SLC9C2: variants seen among roughly 807,000 people sequenced by gnomAD.
SLC9C2 encodes sodium/hydrogen exchanger 11.
Under a neutral mutation model 140.2 loss-of-function variants are expected in SLC9C2, and 75 were observed. The observed-to-expected ratio is 0.53, with a 90% CI of 0.44 to 0.65. The LOEUF is 0.65. SLC9C2 is among the 30% of genes least tolerant of loss of function. The pLI, the probability that SLC9C2 is intolerant of heterozygous loss-of-function variation, is 0.00. For missense variants in SLC9C2, 1,074 were observed against 1,331.8 expected, an observed-to-expected ratio of 0.81 and a Z score of 3.01; for synonymous variants, 375 against 420.9, an observed-to-expected ratio of 0.89 and a Z score of 1.34.
intron 11 of SLC9C2, among the ~76,000 whole-genome samples, chr1:173,553,081 A>G (rs78999088): frequency 6.6e-6 from 1 of 152,216 alleles, no homozygotes; most frequent in Non-Finnish European, 1.5e-5. Context: ...TCAAGACTTC[A>G]GTGGAGGAAG....
chr1:173,556,481 CT>C (rs1197274696), intron 10 of SLC9C2, among the ~76,000 whole-genome samples: 2 of 152,122 alleles, frequency 1.3e-5, no homozygotes, highest in Non-Finnish European at 2.9e-5. Context: ...CTAACTAGAT[CT>C]TTAATGTAAA....
At chr1:173,554,581 G>C in intron 11 of SLC9C2, 152 bp downstream of exon 11, 1 of 615,972 alleles carries the variant, frequency 1.6e-6, no homozygotes, top group Non-Finnish European at 2.9e-6. Context: ...AATATCCCAA[G>C]TAATACAGCA....
Position 173,601,845 on chromosome 1 carries a change from T to G in SLC9C2, c.-69A>C, listed in dbSNP as rs776189139. The G allele has an allele frequency of 5.5e-5, 87 of 1,589,314 alleles. No individual in the cohort carries two copies. Among genetic ancestry groups the G allele is most frequent in the Non-Finnish European group, 7.3e-5 (85 of 1,165,690 alleles). On this transcript the variant is annotated 5_prime_UTR_variant, in exon 2 of 28. Transcript: ENST00000367714. ...TGGTTATTATTGACACTTTCACTTCTGCATGCTAACCTGTATAGCATGCAA... is the reference window on the plus strand; with the variant it reads ...TGGTTATTATTGACACTTTCACTTCGGCATGCTAACCTGTATAGCATGCAA...
rs568470337 is a variant in SLC9C2, at chr1:173,579,672, C to T, written c.802+2175G>A. Among the ~76,000 whole-genome samples, 3 of 152,318 alleles carry T rather than the reference C, an allele frequency of 2.0e-5. No homozygotes were observed. In the South Asian group the frequency reaches 6.2e-4, roughly 32 times the overall value. ...TGCCGTTTAGTTAGCACAAAATAAT[C>T]AGACTTCATAATGCTCAAATATATT... On this transcript the variant is annotated intron_variant, in intron 7 of 27. Coordinates refer to ENST00000367714, the MANE Select transcript of SLC9C2 (RefSeq NM_178527.4).
rs1249514961 is a variant in SLC9C2 at position 173,599,086 on chromosome 1, AACT to A, written c.228+1028_228+1030del. Among the ~76,000 whole-genome samples the A allele has an allele frequency of 3.3e-5, 5 of 152,268 alleles. No homozygotes were observed. In the East Asian group the frequency reaches 7.7e-4, roughly 23 times the overall value. Reference sequence around the variant, plus strand: ...AGTGACCATGCCTCATGATGAACACAACTGCTGCCTTTTATAAGCAGGTCTTTT... The same window carrying A: ...AGTGACCATGCCTCATGATGAACACAGCTGCCTTTTATAAGCAGGTCTTTT... On this transcript the variant is annotated intron_variant, in intron 3 of 27. Coordinates refer to ENST00000367714, the MANE Select transcript of SLC9C2 (RefSeq NM_178527.4).
chr1:173,589,036 C>T (rs546702806), intron 4 of SLC9C2, among the ~76,000 whole-genome samples: 7 of 152,164 alleles, frequency 4.6e-5, no homozygotes, highest in Non-Finnish European at 1.0e-4. Flanking sequence ...CATGATATTA[C>T]CACTGCACTC....
rs780556489 is a variant in SLC9C2 at position 173,533,671 on chromosome 1, G to A, written c.2101C>T (p.Leu701Phe). 5 of 1,611,648 alleles carry A rather than the reference G, an allele frequency of 3.1e-6. No individual in the cohort carries two copies. The Admixed American group carries it at 5.0e-5, about 16-fold the overall frequency. ...CCCATTATTACTGTAAGCTGTATAAGAGCCAAGTTGTCTGGTCTCAATTTC... is the reference window on the plus strand; with the variant it reads ...CCCATTATTACTGTAAGCTGTATAAAAGCCAAGTTGTCTGGTCTCAATTTC... ...FVKLRPDNLA[L>F]IQLTVIMGYL... Residue 701 changes from leucine to phenylalanine, a missense_variant, in exon 17 of 28, where the codon CTT becomes TTT. Coordinates refer to ENST00000367714, the MANE Select transcript of SLC9C2 (RefSeq NM_178527.4).
chr1:173,559,965 G>A (rs1452839612), intron 9 of SLC9C2, among the ~76,000 whole-genome samples: 1 of 152,020 alleles, frequency 6.6e-6, no homozygotes, highest in African/African-American at 2.4e-5. Context: ...CTTCACCATG[G>A]CATAAAATAA....
intron 13 of SLC9C2, among the ~76,000 whole-genome samples, chr1:173,543,242 C>T (rs928026638): frequency 3.3e-5 from 5 of 152,118 alleles, no homozygotes; most frequent in Admixed American, 2.6e-4. Flanking sequence ...CATGAGTGAA[C>T]TCCCATTCAC....
chr1:173,573,253 T>C lies in SLC9C2; in HGVS notation c.975A>G (p.Gly325=). The C allele has an allele frequency of 6.3e-7, 1 of 1,585,172 alleles. No individual in the cohort carries two copies. The highest frequency in any genetic ancestry group is 8.7e-7 in the Non-Finnish European group (1 of 1,154,980). Residue 325 remains glycine, a synonymous_variant, in exon 9 of 28, where the codon GGA becomes GGG. Transcript: ENST00000367714. ...YAFFGIVIGC[G]ELSHYEFHTI... is the part of the protein sequence containing the mutation. ...TGTGAAATTCATAGTGGCTGAGTTC[T>C]CCACATCCAATCACAATGCCAAAGA...
chr1:173,535,725 T>C, intron 15 of SLC9C2, 105 bp downstream of exon 15: 1 of 1,302,994 alleles, frequency 7.7e-7, no homozygotes, highest in Non-Finnish European at 1.0e-6. Flanking sequence ...AAATAAACCA[T>C]AATATAGTTT....
In SLC9C2 at chr1:173,575,846, G is replaced by A. The variant is rs560320773; in HGVS notation, c.902+815C>T. On this transcript the variant is annotated intron_variant, in intron 8 of 27. Coordinates refer to ENST00000367714, the MANE Select transcript of SLC9C2 (RefSeq NM_178527.4). ...GCCTGCCTCGGCCTCCCAAAGTGCTGGGATTACAGGCGTGAGCCACCGTGC... is the reference window on the plus strand; with the variant it reads ...GCCTGCCTCGGCCTCCCAAAGTGCTAGGATTACAGGCGTGAGCCACCGTGC... 2.8e-4 allele frequency among the ~76,000 whole-genome samples: 42 copies of A among 152,244 alleles called. 1 individual carries two copies. The South Asian group carries it at 8.7e-3, about 32-fold the overall frequency.
intron 13 of SLC9C2, among the ~76,000 whole-genome samples, chr1:173,542,783 G>T (rs1662531543): frequency 6.6e-6 from 1 of 152,138 alleles, no homozygotes; most frequent in South Asian, 2.1e-4. Flanking sequence ...AATAGATGCA[G>T]GAAAGGCCTT....
chr1:173,536,775 G>A (rs906347538), intron 14 of SLC9C2, among the ~76,000 whole-genome samples, 167 bp downstream of exon 14: 1 of 152,086 alleles, frequency 6.6e-6, no homozygotes, highest in Non-Finnish European at 1.5e-5. Context: ...AAAAGCAGAT[G>A]GATAGATGGA....
chr1:173,566,859 T>C (rs1481165422), intron 9 of SLC9C2, among the ~76,000 whole-genome samples: 1 of 151,324 alleles, frequency 6.6e-6, no homozygotes, highest in East Asian at 2.0e-4. Context: ...CTGCATCCCA[T>C]AAGTTTTGGT....
Position 173,565,999 on chromosome 1 carries a change from A to C in SLC9C2, c.1046+7183T>G, listed in dbSNP as rs140598746. Among the ~76,000 whole-genome samples, 253 of 152,222 alleles carry C rather than the reference A, an allele frequency of 1.7e-3. 2 individuals carry two copies. The highest frequency in any genetic ancestry group is 7.7e-3 in the South Asian group (37 of 4,826). ...CACATAGATTGATTTGCATATGTTG[A>C]ACCATCCCTGCATCCCTGGGATAAG... On this transcript the variant is annotated intron_variant, in intron 9 of 27. Coordinates refer to ENST00000367714, the MANE Select transcript of SLC9C2 (RefSeq NM_178527.4).
chr1:173,512,404 C>A (rs554992307), intron 23 of SLC9C2, among the ~76,000 whole-genome samples: 1 of 152,170 alleles, frequency 6.6e-6, no homozygotes, highest in East Asian at 1.9e-4. Context: ...ATTTTATTCT[C>A]TTTGTAGCAA....
intron 22 of SLC9C2, among the ~76,000 whole-genome samples, chr1:173,520,571 T>A (rs975553196): frequency 4.6e-5 from 7 of 152,164 alleles, no homozygotes; most frequent in Admixed American, 4.6e-4. Flanking sequence ...CACATGGTGG[T>A]AATGAAGCAA....
chr1:173,550,436 A>ATTTT (rs1467477294), intron 11 of SLC9C2, among the ~76,000 whole-genome samples: 4 of 122,898 alleles, frequency 3.3e-5, no homozygotes, highest in African/African-American at 1.6e-4. Context: ...TTATTTATTT[A>ATTTT]TTTATTTATT....
Sources: gnomAD v4.1 joint callset for allele counts (sites outside exome capture counted in the v4.1 genomes callset) on GRCh38, gnomAD v4.1.1 for gene constraint, MANE v1.5 for transcripts, NCBI Gene and HGNC (gene_info 2026-07-23, HGNC 2026-07-21) for gene names.